The following PTPRF variants were observed in gnomAD, a reference collection of about 807,000 sequenced individuals.
PTPRF encodes receptor-type tyrosine-protein phosphatase F.
Under a neutral mutation model 201.8 loss-of-function variants are expected in PTPRF, and 59 were observed. That is an observed-to-expected ratio of 0.29 (90% CI 0.24 to 0.36). The LOEUF (loss-of-function observed/expected upper bound fraction) is 0.36, where lower values mean the gene tolerates loss of function less well. Ranked by LOEUF, PTPRF falls within the 10% of genes least tolerant of loss-of-function variation. PTPRF has a pLI of 1.00. For synonymous variants in PTPRF, 1,088 were observed against 1,089.7 expected, an observed-to-expected ratio of 1.00 and a Z score of 0.03; for missense variants, 2,132 against 2,690.5, an observed-to-expected ratio of 0.79 and a Z score of 4.59.
At position 43,591,089 on chromosome 1, in the gene PTPRF, C is replaced by T. The variant is rs368187251; in HGVS notation, c.1067C>T (p.Ala356Val). The T allele has an allele frequency of 9.9e-6, 16 of 1,613,828 alleles. No individual in the cohort carries two copies. Among genetic ancestry groups the T allele is most frequent in the African/African-American group, 9.3e-5 (7 of 74,960 alleles). Residue 356 changes from alanine (A) to valine (V), a missense_variant, in exon 9 of 34, where the codon GCA becomes GTA. By Grantham distance (64) the Ala-to-Val change is moderately conservative. Around this residue, in one of 6 missense-constraint regions of PTPRF, gnomAD observed 351 missense variants for 401.7 expected, o/e 0.87. Transcript: ENST00000359947. ...ACCTACTATGGCATCCAGTACCGCG[C>T]AGCGGGCACGGAGGGCCCCTTTCAG... is the stretch of plus-strand genomic sequence containing the variant. ...PVTYYGIQYR[A>V]AGTEGPFQEV... is the part of the protein sequence containing the mutation.
intron 5 of PTPRF, among the ~76,000 whole-genome samples, chr1:43,558,115 C>CA (rs1396360157): frequency 6.6e-6 from 1 of 152,066 alleles, no homozygotes; most frequent in Non-Finnish European, 1.5e-5. Context: ...TGGGAGGCCA[C>CA]CACAGGGTAC....
chr1:43,526,451 TA>T (rs1210772830), upstream of PTPRF, among the ~76,000 whole-genome samples: 2 of 151,894 alleles, frequency 1.3e-5, no homozygotes, highest in African/African-American at 2.4e-5. Flanking sequence ...TTTTTTTTTT[TA>T]ATTAAAAAAG....
In PTPRF at chr1:43,591,895, C is replaced by T. The variant is rs776883780; in HGVS notation, c.1615C>T (p.Arg539Trp). The T allele has an allele frequency of 9.9e-6, 16 of 1,613,334 alleles. No individual in the cohort carries two copies. The African/African-American group carries it at 1.3e-4, about 13-fold the overall frequency. ...CTCGTGGCTGCTGCCCCCTCAGGAG[C>T]GGATCATCATGTATGAACTGGTGTA... ...QLSWLLPPQE[R>W]IIMYELVYWA... Residue 539 changes from arginine (R) to tryptophan (W), a missense_variant, in exon 10 of 34, where the codon CGG (arginine) becomes TGG (tryptophan). Arg to Trp is a moderately radical substitution (Grantham distance 101). This residue lies in a region of PTPRF where 351 missense variants were observed against 401.7 expected (regional missense o/e 0.87). Transcript: ENST00000359947.
chr1:43,604,364 CCTGACCTCTGCTGTCCTTAACCTA>C (rs1654531840), intron 16 of PTPRF, among the ~76,000 whole-genome samples, 175 bp downstream of exon 16: 1 of 152,166 alleles, frequency 6.6e-6, no homozygotes, highest in Non-Finnish European at 1.5e-5. Context: ...ATTCTTGATG[CCTGACCTCTGCTGTCCTTAACCTA>C]CTGACCTCTG....
At chr1:43,582,955 T>G in intron 7 of PTPRF, 1 of 563,986 alleles carries the variant, frequency 1.8e-6, no homozygotes, top group Non-Finnish European at 2.2e-6. Flanking sequence ...TCTCGTCTCG[T>G]CTCCGTGCTG....
At chr1:43,580,654 T>C (rs572100754) in intron 7 of PTPRF, among the ~76,000 whole-genome samples, 13 of 152,252 alleles carry the variant, frequency 8.5e-5, no homozygotes, top group African/African-American at 2.4e-4. Context: ...CTGGCAGGCA[T>C]TGGGGCTGGC....
At chr1:43,587,627 C>T (rs1299319295) in intron 7 of PTPRF, among the ~76,000 whole-genome samples, 1 of 152,156 alleles carries the variant, frequency 6.6e-6, no homozygotes, top group Admixed American at 6.5e-5. Flanking sequence ...CCTGGGCCCC[C>T]CAGCGAGGGT....
At chr1:43,583,595 G>T (rs16830948) in intron 7 of PTPRF, among the ~76,000 whole-genome samples, 16,561 of 152,170 alleles carry the variant, frequency 0.11, 1,090 homozygotes, top group African/African-American at 0.18. Context: ...TGTCCTCCCA[G>T]TATCCTGCAG....
chr1:43,615,277 C>T (rs1657474113), intron 23 of PTPRF, among the ~76,000 whole-genome samples: 1 of 152,198 alleles, frequency 6.6e-6, no homozygotes, highest in Admixed American at 6.5e-5. Context: ...GGCTTTGGGT[C>T]ACGGAGCCCG....
At chr1:43,613,753 G>T (rs1452802882) in intron 23 of PTPRF, 38 bp downstream of exon 23, 2 of 1,565,894 alleles carry the variant, frequency 1.3e-6, no homozygotes, top group Non-Finnish European at 1.8e-6. Context: ...GCCTGGCCCA[G>T]GCCTACCCAA....
rs201150809 is a variant in PTPRF, at chr1:43,606,390, C to A, written c.3634C>A (p.Arg1212=). 2 of 1,614,176 alleles carry A rather than the reference C, an allele frequency of 1.2e-6. No individual in the cohort carries two copies. Among genetic ancestry groups the A allele is most frequent in the Admixed American group, 1.7e-5 (1 of 60,028 alleles). Reference sequence around the variant, plus strand: ...GAAGAACTACCGGGGCTTCTACAACCGGCCCCTGTCTCCGGACTTGAGCTA... The same window carrying A: ...GAAGAACTACCGGGGCTTCTACAACAGGCCCCTGTCTCCGGACTTGAGCTA... The part of the protein sequence containing the change: ...DKKNYRGFYN[R]PLSPDLSYQC... Residue 1212 remains arginine, a synonymous_variant, in exon 20 of 34, where the codon CGG becomes AGG. Transcript: ENST00000359947.
At chr1:43,594,717 C>G (rs1302648035) in intron 11 of PTPRF, among the ~76,000 whole-genome samples, 1 of 152,012 alleles carries the variant, frequency 6.6e-6, no homozygotes, top group Non-Finnish European at 1.5e-5. Flanking sequence ...GGTGTATTAA[C>G]CTGGGAGGAG....
In PTPRF at chr1:43,598,754, G is replaced by T; in HGVS notation, c.2154G>T (p.Glu718Asp). ...PSGPPRKVEV[E>D]PLNSTAVHVY... Reference sequence around the variant, plus strand: ...GGCCTCCGCGGAAGGTGGAGGTGGAGCCACTGAACTCCACTGCTGTGCATG... The same window carrying T: ...GGCCTCCGCGGAAGGTGGAGGTGGATCCACTGAACTCCACTGCTGTGCATG... Residue 718 changes from glutamate to aspartate, a missense_variant, in exon 13 of 34, where the codon GAG becomes GAT. Transcript: ENST00000359947. 1.2e-6 allele frequency: 2 copies of T among 1,614,046 alleles called. No homozygotes were observed. Among genetic ancestry groups the T allele is most frequent in the Non-Finnish European group, 1.7e-6 (2 of 1,179,908 alleles).
intron 22 of PTPRF, chr1:43,612,707 C>T (rs1217245934): frequency 2.1e-5 from 27 of 1,312,286 alleles, no homozygotes; most frequent in African/African-American, 6.0e-5. Flanking sequence ...AAAAAGTTAA[C>T]GGGCTTTCTT....
chr1:43,607,089 C>T, intron 21 of PTPRF, 121 bp downstream of exon 21: 3 of 1,358,522 alleles, frequency 2.2e-6, no homozygotes, highest in Non-Finnish European at 3.0e-6. Context: ...GCCTCAGGCT[C>T]AGCAGGAAGG....
chr1:43,585,943 C>T (rs1251996536), intron 7 of PTPRF, among the ~76,000 whole-genome samples: 4 of 152,176 alleles, frequency 2.6e-5, no homozygotes, highest in Non-Finnish European at 4.4e-5. Flanking sequence ...CCCATCCTTA[C>T]GCCCGCTGGA....
Position 43,607,972 on chromosome 1 carries a change from G to A in PTPRF, c.3857+1004G>A, listed in dbSNP as rs1406068476. ...CAGGCATGTCAGTGAGCACCTGGCA[G>A]ATGAAGATATGCTAGTCTGTGTGTC... On this transcript the variant is annotated intron_variant, in intron 21 of 33. Transcript: ENST00000359947. Among the ~76,000 whole-genome samples the A allele has an allele frequency of 2.6e-5, 4 of 152,382 alleles. No individual in the cohort carries two copies. The East Asian group carries it at 7.7e-4, about 29-fold the overall frequency.
At chr1:43,596,402 CAG>C (rs1476276165) in intron 11 of PTPRF, among the ~76,000 whole-genome samples, 5 of 151,670 alleles carry the variant, frequency 3.3e-5, no homozygotes, top group Admixed American at 1.3e-4. Flanking sequence ...GTCCCCATGG[CAG>C]GGGGTGGTGA....
intron 8 of PTPRF, 118 bp from the exon 9 acceptor site, chr1:43,590,854 G>A (rs965346811): frequency 5.3e-6 from 5 of 949,196 alleles, no homozygotes; most frequent in Admixed American, 4.6e-5. Context: ...AAGGTAGGCT[G>A]TGGGTATCAG....
Sources: allele counts gnomAD v4.1 joint callset (sites outside exome capture counted in the v4.1 genomes callset), GRCh38; gene constraint gnomAD v4.1.1; regional missense constraint gnomAD v4.1.1; transcripts MANE v1.5; gene names NCBI Gene and HGNC (gene_info 2026-07-23, HGNC 2026-07-21).